DAB1: variants seen among roughly 807,000 people sequenced by gnomAD.
DAB1 encodes disabled homolog 1.
Under a neutral mutation model 64.6 loss-of-function variants are expected in DAB1, and 15 were observed. The observed-to-expected ratio is 0.23, with a 90% CI of 0.16 to 0.36. The LOEUF is 0.36. DAB1 is among the 10% of genes least tolerant of loss of function. The pLI is 1.00. For synonymous variants in DAB1, 235 were observed against 251.9 expected (o/e 0.93, Z 0.64); for missense variants, 596 against 706.7 (o/e 0.84, Z 1.78).
chr1:57,774,358 T>C (rs147189599), intron 6 of DAB1, among the ~76,000 whole-genome samples: 1,702 of 151,966 alleles, frequency 0.011, 28 homozygotes, highest in African/African-American at 0.04. Context: ...TTTCTGGAGA[T>C]TAAAATTTTC....
intron 1 of DAB1, among the ~76,000 whole-genome samples, chr1:57,829,617 C>T (rs1652499952): frequency 6.6e-6 from 1 of 152,198 alleles, no homozygotes; most frequent in Non-Finnish European, 1.5e-5. Context: ...GTGACAAGCA[C>T]TGTGCCAGAT....
In DAB1 at chr1:57,025,980, C is replaced by T. The variant is rs201318657; in HGVS notation, c.786+1G>A. ...GGGTTCAGAGAGCAATGCATACTTA[C>T]GGGGGGAGAGGTTATATCAGGGGGT... On this transcript the variant is annotated splice_donor_variant, in intron 10 of 14. Coordinates refer to ENST00000371236, the MANE Select transcript of DAB1 (RefSeq NM_001365792.1). LOFTEE classifies it high-confidence loss of function. 2.9e-5 allele frequency: 46 copies of T among 1,574,218 alleles called. No individual in the cohort carries two copies. The highest frequency in any genetic ancestry group is 3.7e-5 in the Non-Finnish European group (43 of 1,163,612).
intron 1 of DAB1, among the ~76,000 whole-genome samples, chr1:57,385,396 A>T (rs775603518): frequency 6.6e-5 from 10 of 152,198 alleles, no homozygotes; most frequent in Non-Finnish European, 1.3e-4. Context: ...GGCAGGAAGT[A>T]GCTCCATGTA....
intron 6 of DAB1, among the ~76,000 whole-genome samples, chr1:57,798,260 G>C (rs2101868699): frequency 6.6e-6 from 1 of 152,322 alleles, no homozygotes; most frequent in African/African-American, 2.4e-5. Flanking sequence ...ACACAAAGCA[G>C]AGAGCTGCGG....
chr1:58,298,312 A>G (rs1327074842), intron 4 of DAB1, among the ~76,000 whole-genome samples: 1 of 152,170 alleles, frequency 6.6e-6, no homozygotes, highest in Non-Finnish European at 1.5e-5. Flanking sequence ...TTGTTGACTG[A>G]TTCCACCACT....
intron 2 of DAB1, among the ~76,000 whole-genome samples, chr1:57,233,622 G>C (rs567692006): frequency 1.1e-4 from 16 of 151,508 alleles, no homozygotes; most frequent in African/African-American, 3.9e-4. Context: ...AGCTAGGCGT[G>C]GTGGCGGGCA....
At chr1:57,454,379 T>G (rs1437676038) in intron 7 of DAB1, among the ~76,000 whole-genome samples, 1 of 152,130 alleles carries the variant, frequency 6.6e-6, no homozygotes, top group African/African-American at 2.4e-5. Context: ...CTGGAGGCTA[T>G]TATACTTAGA....
intron 7 of DAB1, among the ~76,000 whole-genome samples, chr1:57,617,567 G>A (rs368590157): frequency 4.6e-5 from 7 of 152,012 alleles, no homozygotes; most frequent in African/African-American, 1.2e-4. Flanking sequence ...TGTCACCTCC[G>A]CAATTCAAGC....
At chr1:57,030,847 T>A (rs867979146) in intron 9 of DAB1, among the ~76,000 whole-genome samples, 5 of 152,258 alleles carry the variant, frequency 3.3e-5, no homozygotes, top group Admixed American at 3.3e-4. Flanking sequence ...GTTTATTTAA[T>A]CAATTCAAAT....
chr1:57,511,821 C>T (rs1179821527), intron 7 of DAB1, among the ~76,000 whole-genome samples: 1 of 152,096 alleles, frequency 6.6e-6, no homozygotes, highest in Non-Finnish European at 1.5e-5. Context: ...GACCATCTGG[C>T]AAAGTCACAT....
chr1:57,575,856 A>C (rs575461180), intron 7 of DAB1, among the ~76,000 whole-genome samples: 1 of 152,146 alleles, frequency 6.6e-6, no homozygotes, highest in African/African-American at 2.4e-5. Flanking sequence ...TGCTCTCATG[A>C]AGTTGATATA....
At chr1:58,317,267 C>T (rs1284146778) in intron 4 of DAB1, among the ~76,000 whole-genome samples, 2 of 152,240 alleles carry the variant, frequency 1.3e-5, no homozygotes, top group African/African-American at 2.4e-5. Context: ...TCCCTAATGT[C>T]CATAATGCCC....
chr1:57,591,001 A>T (rs1316636931), intron 7 of DAB1, among the ~76,000 whole-genome samples: 2 of 152,172 alleles, frequency 1.3e-5, no homozygotes, highest in East Asian at 3.9e-4. Flanking sequence ...TTATTTTTTT[A>T]AATTTAACTT....
intron 7 of DAB1, among the ~76,000 whole-genome samples, chr1:57,543,677 C>T (rs1644826762): frequency 6.6e-6 from 1 of 151,984 alleles, no homozygotes; most frequent in South Asian, 2.1e-4. Flanking sequence ...TAAATTTGGA[C>T]CTGGGCCAAG....
intron 3 of DAB1, chr1:58,481,282 A>AT (rs1361627273): frequency 9.4e-6 from 4 of 426,132 alleles, no homozygotes; most frequent in Admixed American, 4.1e-5. Flanking sequence ...ATGTATTGTT[A>AT]TTTTTTTAAT....
At chr1:57,894,680 A>G (rs549560363) in intron 5 of DAB1, among the ~76,000 whole-genome samples, 2 of 152,308 alleles carry the variant, frequency 1.3e-5, no homozygotes, top group South Asian at 2.1e-4. Flanking sequence ...CAGAAGTATC[A>G]TATCTGATTT....
intron 5 of DAB1, among the ~76,000 whole-genome samples, chr1:57,981,753 G>A (rs184046276): frequency 1.3e-5 from 2 of 152,250 alleles, no homozygotes; most frequent in South Asian, 2.1e-4. Context: ...ATTCAGTGCT[G>A]AGCAAATGAG....
chr1:58,355,268 A>G (rs1222751235), intron 3 of DAB1, among the ~76,000 whole-genome samples: 16 of 152,298 alleles, frequency 1.1e-4, no homozygotes. Flanking sequence ...TCCATCTGTA[A>G]AGTGGCACAG....
intron 4 of DAB1, among the ~76,000 whole-genome samples, chr1:58,171,271 C>A (rs1421636130): frequency 6.6e-6 from 1 of 152,186 alleles, no homozygotes; most frequent in African/African-American, 2.4e-5. Context: ...CAGTCCAAAT[C>A]AGGCTTAAAG....
Sources: allele counts gnomAD v4.1 joint callset (sites outside exome capture counted in the v4.1 genomes callset), GRCh38; gene constraint gnomAD v4.1.1; transcripts MANE v1.5; gene names NCBI Gene and HGNC (gene_info 2026-07-23, HGNC 2026-07-21).